Variants in NSD2 observed in about 807,000 individuals in gnomAD.
NSD2 encodes histone-lysine N-methyltransferase NSD2.
In NSD2, 12 loss-of-function variants were observed where a neutral mutation model predicts 139.0. The observed-to-expected ratio is 0.09, with a 90% confidence interval of 0.06 to 0.14. The LOEUF (loss-of-function observed/expected upper bound fraction) is 0.14. NSD2 is among the 10% of genes least tolerant of loss of function. The pLI, the probability that NSD2 is intolerant of heterozygous loss-of-function variation, is 1.00. For synonymous variants in NSD2, 669 were observed against 648.7 expected (o/e 1.03, Z -0.48); for missense variants, 1,155 against 1,745.0 (o/e 0.66, Z 6.02).
At position 1,976,249 on chromosome 4, in the gene NSD2, C is replaced by T. The variant is rs147134174; in HGVS notation, c.3622-226C>T. 593 of 559,906 alleles carry T rather than the reference C, an allele frequency of 1.1e-3. 1 individual carries two copies. The highest frequency in any genetic ancestry group is 7.9e-3 in the African/African-American group (423 of 53,212). 34.7% of individuals were successfully genotyped at this position (559,906 alleles called of 1,614,324 possible). A position where few individuals can be genotyped will look rare whatever the true frequency, so the allele number is the denominator to read the frequency against. ...GCTGAGATGCGTCATTGCAGGCTTCCGACAAAGCTCACTCTAGTCGTAGTC... is the reference window on the plus strand; with the variant it reads ...GCTGAGATGCGTCATTGCAGGCTTCTGACAAAGCTCACTCTAGTCGTAGTC... On this transcript the variant is annotated intron_variant, in intron 20 of 21. Transcript: ENST00000508803. The surrounding 1 kb of genome is among the most constrained non-coding windows in gnomAD (Gnocchi z 5.3).
intron 2 of NSD2, among the ~76,000 whole-genome samples, 159 bp from the exon 3 acceptor site, chr4:1,904,057 C>T (rs528498822): frequency 8.1e-4 from 124 of 152,168 alleles, no homozygotes; most frequent in African/African-American, 2.9e-3. Flanking sequence ...TTTGATGAAA[C>T]GATGTTGAGG....
intron 1 of NSD2, among the ~76,000 whole-genome samples, chr4:1,880,482 G>A (rs1714619259): frequency 6.6e-6 from 1 of 152,150 alleles, no homozygotes; most frequent in Non-Finnish European, 1.5e-5. Flanking sequence ...TTGAGTATCA[G>A]TTGTGTGCCA....
intron 5 of NSD2, among the ~76,000 whole-genome samples, chr4:1,921,830 T>A (rs545982797): frequency 6.6e-6 from 1 of 151,700 alleles, no homozygotes; most frequent in South Asian, 2.1e-4. Flanking sequence ...TTTTCACCAT[T>A]TAATAAACGT....
Position 1,871,401 on chromosome 4 carries a change from G to T in NSD2, c.-171G>T, listed in dbSNP as rs1156444077. ...GGCGCGGGGGCGGGGTCGGCGCCGC[G>T]CGCGAGAGCCTCGGCCTGGCCGCGC... On this transcript the variant is annotated 5_prime_UTR_variant, in exon 1 of 22. Transcript: ENST00000508803. The T allele has an allele frequency of 1.4e-5, 2 of 145,360 alleles. No individual in the cohort carries two copies. Among genetic ancestry groups the T allele is most frequent in the Non-Finnish European group, 3.1e-5 (2 of 65,420 alleles). The allele number at this position is 145,360 out of a possible 1,614,324, so 9.0% of individuals were successfully genotyped here. A position where few individuals can be genotyped will look rare whatever the true frequency, so the allele number is the denominator to read the frequency against.
intron 10 of NSD2, among the ~76,000 whole-genome samples, chr4:1,951,586 C>T (rs566866745): frequency 1.3e-5 from 2 of 152,102 alleles, no homozygotes; most frequent in Admixed American, 6.5e-5. Flanking sequence ...GACATGCACA[C>T]TGGACAGGCC....
intron 1 of NSD2, among the ~76,000 whole-genome samples, chr4:1,881,744 A>G (rs182594531): frequency 4.6e-5 from 7 of 152,304 alleles, no homozygotes; most frequent in East Asian, 3.9e-4. Context: ...AGAATTCCTC[A>G]TCACACAAAG....
intron 1 of NSD2, among the ~76,000 whole-genome samples, chr4:1,875,549 G>A (rs1034103272): frequency 6.6e-6 from 1 of 152,070 alleles, no homozygotes; most frequent in Non-Finnish European, 1.5e-5. Flanking sequence ...TGCCTGGCCT[G>A]CAGTATAGCT....
chr4:1,884,495 G>A (rs1037188036), intron 1 of NSD2, among the ~76,000 whole-genome samples: 2 of 152,116 alleles, frequency 1.3e-5, no homozygotes, highest in African/African-American at 4.8e-5. Context: ...CCTGGTTCAA[G>A]TGATTCTCCT....
intron 5 of NSD2, among the ~76,000 whole-genome samples, chr4:1,925,176 T>C (rs1194253438): frequency 1.3e-5 from 2 of 152,154 alleles, no homozygotes; most frequent in Non-Finnish European, 2.9e-5. Flanking sequence ...TCTTTCTACA[T>C]TGTTTTTTAT....
In NSD2 at chr4:1,976,500, A is replaced by T. The variant is rs1290861908; in HGVS notation, c.3647A>T (p.Glu1216Val). Residue 1216 changes from glutamate to valine, a missense_variant, in exon 21 of 22, where the codon GAA becomes GTA. By Grantham distance (121) the Glu-to-Val change is moderately radical. Around this residue, in one of 8 missense-constraint regions of NSD2, gnomAD observed 39 missense variants for 43.5 expected, o/e 0.90. Transcript: ENST00000508803. The surrounding 1 kb of genome is among the most constrained non-coding windows in gnomAD (Gnocchi z 5.3). ...PKTSTTLSSE[E>V]KGKKTKKKTR... ...ACCTCGACGACCCTTTCATCAGAGG[A>T]AAAGGGCAAAAAGACCAAGAAGAAA... The T allele has an allele frequency of 4.3e-6, 7 of 1,613,588 alleles. No homozygotes were observed. The highest frequency in any genetic ancestry group is 1.7e-5 in the Admixed American group (1 of 59,908).
chr4:1,908,764 A>G (rs1718273514), intron 3 of NSD2, among the ~76,000 whole-genome samples: 1 of 152,044 alleles, frequency 6.6e-6, no homozygotes, highest in African/African-American at 2.4e-5. Context: ...GTCTGTCCCA[A>G]CAGTGTAGCT....
intron 9 of NSD2, chr4:1,944,976 T>G (rs1723468886): frequency 9.4e-7 from 1 of 1,064,360 alleles, no homozygotes; most frequent in Non-Finnish European, 1.1e-6. Flanking sequence ...TTAAGCGAGG[T>G]TTCATGACAC....
chr4:1,935,946 A>G (rs1722338912), intron 7 of NSD2, among the ~76,000 whole-genome samples: 1 of 152,238 alleles, frequency 6.6e-6, no homozygotes, highest in Non-Finnish European at 1.5e-5. Flanking sequence ...AACTGGCATC[A>G]AAGTCCATTA....
intron 18 of NSD2, among the ~76,000 whole-genome samples, chr4:1,969,979 C>A (rs1002268005): frequency 6.6e-6 from 1 of 152,106 alleles, no homozygotes; most frequent in African/African-American, 2.4e-5. Flanking sequence ...ACCACAAGAA[C>A]GGCACGAAGG....
At chr4:1,970,748 T>G (rs1228762619) in intron 18 of NSD2, among the ~76,000 whole-genome samples, 3 of 152,008 alleles carry the variant, frequency 2.0e-5, no homozygotes, top group Non-Finnish European at 4.4e-5. Flanking sequence ...CAGGCTGATT[T>G]CAGTGTGCAC....
At chr4:1,874,581 C>T (rs1359876426) in intron 1 of NSD2, among the ~76,000 whole-genome samples, 1 of 152,056 alleles carries the variant, frequency 6.6e-6, no homozygotes, top group East Asian at 1.9e-4. Flanking sequence ...CTGTTTGCCT[C>T]TCTGTTTTGT....
chr4:1,911,380 G>C (rs1718633615), intron 3 of NSD2, among the ~76,000 whole-genome samples: 1 of 151,918 alleles, frequency 6.6e-6, no homozygotes, highest in African/African-American at 2.4e-5. Flanking sequence ...TTGAGGTCAG[G>C]AGTTCGAGAC....
At chr4:1,877,602 C>T (rs768176608) in intron 1 of NSD2, among the ~76,000 whole-genome samples, 19 of 152,180 alleles carry the variant, frequency 1.2e-4, no homozygotes, top group Non-Finnish European at 2.5e-4. Context: ...AGCTTGGGCC[C>T]CACACTGAAT....
intron 9 of NSD2, among the ~76,000 whole-genome samples, chr4:1,949,385 A>C (rs1381553160): frequency 6.6e-6 from 1 of 152,158 alleles, no homozygotes; most frequent in Non-Finnish European, 1.5e-5. Context: ...TGCTGTCAGG[A>C]GATGTATCTA....
Sources: allele counts gnomAD v4.1 joint callset (sites outside exome capture counted in the v4.1 genomes callset), GRCh38; gene constraint gnomAD v4.1.1; regional missense constraint gnomAD v4.1.1; non-coding constraint Gnocchi (gnomAD v3.1); transcripts MANE v1.5; gene names NCBI Gene and HGNC (gene_info 2026-07-23, HGNC 2026-07-21).